TNS3: variants seen among roughly 807,000 people sequenced by gnomAD.
TNS3 encodes the protein tensin 3.
TNS3 carries 45 observed loss-of-function variants against 140.9 expected under a neutral mutation model. The observed-to-expected ratio is 0.32, with a 90% CI of 0.25 to 0.41. The LOEUF (loss-of-function observed/expected upper bound fraction) is 0.41, where lower values mean the gene tolerates loss of function less well. Ranked by LOEUF, TNS3 falls within the 10% of genes least tolerant of loss-of-function variation. TNS3 has a pLI of 1.00. For synonymous variants in TNS3, 815 were observed against 788.4 expected (o/e 1.03, Z -0.56); for missense variants, 1,716 against 1,906.7 (o/e 0.90, Z 1.86).
intron 1 of TNS3, among the ~76,000 whole-genome samples, chr7:47,569,889 C>T (rs1409190820): frequency 6.6e-6 from 1 of 151,996 alleles, no homozygotes; most frequent in Non-Finnish European, 1.5e-5. Flanking sequence ...TGGCTCACGC[C>T]TGTAATCCCA....
At chr7:47,286,024 A>G (rs1368497458) in intron 27 of TNS3, among the ~76,000 whole-genome samples, 4 of 152,212 alleles carry the variant, frequency 2.6e-5, no homozygotes, top group Non-Finnish European at 4.4e-5. Flanking sequence ...AGCCTGGAGA[A>G]TTCAAAACAG....
At chr7:47,340,585 C>CTTTTTTTTTTTTCTTTTTT (rs1554297322) in intron 20 of TNS3, among the ~76,000 whole-genome samples, 1 of 134,856 alleles carries the variant, frequency 7.4e-6, no homozygotes, top group African/African-American at 2.8e-5. Flanking sequence ...TCTTTTTTTT[C>CTTTTTTTTTTTTCTTTTTT]TTTTTTTTTT....
intron 20 of TNS3, among the ~76,000 whole-genome samples, chr7:47,327,782 C>G (rs1788105395): frequency 6.6e-6 from 1 of 152,178 alleles, no homozygotes; most frequent in Non-Finnish European, 1.5e-5. Flanking sequence ...GCCCTCCTCC[C>G]AAGTCCTGCC....
chr7:47,562,982 A>G (rs9648568), intron 1 of TNS3, among the ~76,000 whole-genome samples: 147,795 of 152,320 alleles, frequency 0.97, 71,876 homozygotes, highest in East Asian at 1. Flanking sequence ...GCCAAGACAC[A>G]GCCCCACCCC....
chr7:47,407,539 T>C lies in TNS3; in HGVS notation c.723+4188A>G, dbSNP rs1317032112. On this transcript the variant is annotated intron_variant, in intron 13 of 30. Transcript: ENST00000311160. This position sits in a 1 kb window ranked among gnomAD's most constrained non-coding sequence, Gnocchi z 4.1. ...GGCCGTCAATGGCACCTGACTGCGCTAGTAATCTTACTAAACTTTCTAGGA... is the reference window on the plus strand; with the variant it reads ...GGCCGTCAATGGCACCTGACTGCGCCAGTAATCTTACTAAACTTTCTAGGA... Among the ~76,000 whole-genome samples the C allele has an allele frequency of 6.6e-6, 1 of 152,242 alleles. No individual in the cohort carries two copies. Among genetic ancestry groups the C allele is most frequent in the Non-Finnish European group, 1.5e-5 (1 of 68,034 alleles).
intron 1 of TNS3, among the ~76,000 whole-genome samples, chr7:47,557,840 C>T (rs1030941561): frequency 1.3e-5 from 2 of 152,190 alleles, no homozygotes; most frequent in Admixed American, 6.5e-5. Context: ...CCATGAACCA[C>T]GCCTTACTGG....
chr7:47,542,275 T>C (rs1023760811), intron 1 of TNS3, among the ~76,000 whole-genome samples: 1 of 152,206 alleles, frequency 6.6e-6, no homozygotes, highest in Non-Finnish European at 1.5e-5. Context: ...GCGCCACCTG[T>C]GATTCAGAGA....
chr7:47,510,287 T>G (rs1257893914), intron 2 of TNS3, among the ~76,000 whole-genome samples: 1 of 152,152 alleles, frequency 6.6e-6, no homozygotes, highest in Non-Finnish European at 1.5e-5. Context: ...GAAGAAGAAC[T>G]TCGCACCAAA....
intron 11 of TNS3, among the ~76,000 whole-genome samples, 194 bp downstream of exon 11, chr7:47,414,900 A>G (rs1793990343): frequency 2.0e-5 from 3 of 152,296 alleles, no homozygotes; most frequent in African/African-American, 7.2e-5. Context: ...CCCTGATTAA[A>G]TAACTTGGCC....
chr7:47,482,593 C>T (rs961677058), intron 3 of TNS3, among the ~76,000 whole-genome samples: 21 of 152,174 alleles, frequency 1.4e-4, no homozygotes, highest in African/African-American at 5.1e-4. Flanking sequence ...TGACTTATCT[C>T]CCCTCAAGCA....
At chr7:47,354,675 G>A (rs1789885926) in intron 17 of TNS3, among the ~76,000 whole-genome samples, 1 of 151,938 alleles carries the variant, frequency 6.6e-6, no homozygotes, top group African/African-American at 2.4e-5. Context: ...GAAATCTCAG[G>A]CCCCTTGAAA....
chr7:47,409,459 A>C (rs1793638512), intron 13 of TNS3, among the ~76,000 whole-genome samples: 1 of 152,030 alleles, frequency 6.6e-6, no homozygotes, highest in African/African-American at 2.4e-5. Context: ...ACCCTCTATG[A>C]CTGAGTTGTT....
intron 20 of TNS3, among the ~76,000 whole-genome samples, chr7:47,337,776 G>A (rs948081900): frequency 2.6e-5 from 4 of 152,150 alleles, no homozygotes; most frequent in Admixed American, 2.0e-4. Context: ...TACAGAGAAC[G>A]GCTCCTGGCC....
chr7:47,442,141 C>G (rs1795496373), intron 4 of TNS3, 86 bp from the exon 5 acceptor site: 1 of 851,666 alleles, frequency 1.2e-6, no homozygotes, highest in Non-Finnish European at 1.6e-6. Context: ...GGAACAATGA[C>G]AGCCGTTCCA....
At chr7:47,295,844 T>C (rs1362081140) in intron 24 of TNS3, among the ~76,000 whole-genome samples, 2 of 152,190 alleles carry the variant, frequency 1.3e-5, no homozygotes, top group African/African-American at 4.8e-5. Context: ...AAGGCGATTT[T>C]CTCCAGGAAG....
intron 17 of TNS3, among the ~76,000 whole-genome samples, chr7:47,355,710 A>C (rs1324208006): frequency 6.6e-6 from 1 of 152,220 alleles, no homozygotes; most frequent in Non-Finnish European, 1.5e-5. Flanking sequence ...CCAATTATGT[A>C]AACTAATTGA....
chr7:47,278,129 C>A lies in TNS3; in HGVS notation c.4285G>T (p.Ala1429Ser). 6.2e-7 allele frequency: 1 copy of A among 1,614,128 alleles called. No homozygotes were observed. The highest frequency in any genetic ancestry group is 8.5e-7 in the Non-Finnish European group (1 of 1,180,028). ...AEHDPEQPAS[A>S]IVNFVSKVMI... ...ACCTTTGATACGAAGTTGACAATGG[C>A]ACTGGCAGGCTGCTCAGGGTCATGC... The change falls in exon 31 of 31, where the codon GCC (alanine) becomes TCC (serine). Residue 1429 changes from alanine to serine, a missense_variant. Physicochemically the swap from Ala to Ser is moderately conservative, Grantham distance 99. This residue lies in a region of TNS3 where 216 missense variants were observed against 295.7 expected (regional missense o/e 0.73). Coordinates refer to ENST00000311160, the MANE Select transcript of TNS3 (RefSeq NM_022748.12).
chr7:47,531,890 C>A (rs334516), intron 1 of TNS3, among the ~76,000 whole-genome samples: 51,294 of 152,062 alleles, frequency 0.34, 10,127 homozygotes, highest in East Asian at 0.48. Context: ...GGATCTGCCC[C>A]CCGGGGTGCA....
At chr7:47,299,448 T>C (rs1479465688) in intron 23 of TNS3, among the ~76,000 whole-genome samples, 1 of 152,220 alleles carries the variant, frequency 6.6e-6, no homozygotes. Flanking sequence ...GCCTACTTTT[T>C]TGTTTTCTCT....
Sources: allele counts gnomAD v4.1 joint callset (sites outside exome capture counted in the v4.1 genomes callset), GRCh38; gene constraint gnomAD v4.1.1; regional missense constraint gnomAD v4.1.1; non-coding constraint Gnocchi (gnomAD v3.1); transcripts MANE v1.5; gene names NCBI Gene and HGNC (gene_info 2026-07-23, HGNC 2026-07-21).